The following FAM184B variants were observed in gnomAD, a reference collection of about 807,000 sequenced individuals.
The protein encoded by FAM184B is protein FAM184B.
A neutral mutation model predicts 135.9 loss-of-function variants in FAM184B; 111 were observed. The ratio of observed to expected loss-of-function variants is 0.82; its 90% CI spans 0.70 to 0.96. The LOEUF is 0.96. Among genes scored for constraint, FAM184B ranks in the 40% least tolerant of loss-of-function variants. The pLI, the probability that FAM184B is intolerant of heterozygous loss-of-function variation, is 0.00. For missense variants in FAM184B, 1,375 were observed against 1,323.9 expected, an observed-to-expected ratio of 1.04 and a Z score of -0.60; for synonymous variants, 552 against 524.8, an observed-to-expected ratio of 1.05 and a Z score of -0.71.
At position 17,731,216 on chromosome 4, in the gene FAM184B, A is replaced by G. The variant is rs141654775; in HGVS notation, c.142-21572T>C. Reference sequence around the variant, plus strand: ...AGGAACAACCGGTACCAGCCACTGCAAAAACATGCCAAAATGTAAAGACCA... The same window carrying G: ...AGGAACAACCGGTACCAGCCACTGCGAAAACATGCCAAAATGTAAAGACCA... On this transcript the variant is annotated intron_variant, in intron 1 of 17. Coordinates refer to ENST00000265018, the MANE Select transcript of FAM184B (RefSeq NM_015688.2). Among the ~76,000 whole-genome samples the G allele has an allele frequency of 7.0e-3, 1,062 of 152,358 alleles. 14 individuals carry two copies. Among genetic ancestry groups the G allele is most frequent in the African/African-American group, 0.023 (964 of 41,584 alleles).
intron 1 of FAM184B, among the ~76,000 whole-genome samples, chr4:17,726,291 T>A (rs889311983): frequency 1.3e-5 from 2 of 152,260 alleles, no homozygotes; most frequent in East Asian, 3.9e-4. Context: ...TAAAGGAAAT[T>A]TATTGGCTCA....
chr4:17,643,113 G>A (rs1010556555), intron 12 of FAM184B, among the ~76,000 whole-genome samples: 2 of 152,184 alleles, frequency 1.3e-5, no homozygotes, highest in African/African-American at 2.4e-5. Context: ...GAGCAGGGGG[G>A]TTACTGCTCT....
At chr4:17,636,963 C>T (rs1024545995) in intron 14 of FAM184B, among the ~76,000 whole-genome samples, 1 of 152,188 alleles carries the variant, frequency 6.6e-6, no homozygotes, top group Non-Finnish European at 1.5e-5. Context: ...CCCGTAGGTT[C>T]TCTTAATGCT....
chr4:17,751,742 C>T (rs1478607886), intron 1 of FAM184B, among the ~76,000 whole-genome samples: 1 of 150,196 alleles, frequency 6.7e-6, no homozygotes, highest in African/African-American at 2.4e-5. Context: ...AATATTGCTC[C>T]AGGGAAGTCC....
At position 17,705,847 on chromosome 4, in the gene FAM184B, C is replaced by T; in HGVS notation, c.1075G>A (p.Glu359Lys). 6.4e-7 allele frequency: 1 copy of T among 1,552,252 alleles called. No homozygotes were observed. The highest frequency in any genetic ancestry group is 8.7e-7 in the Non-Finnish European group (1 of 1,147,118). The stretch of plus-strand genomic sequence containing the variant: ...TTGCCGGCTTCCAAGTCATTCTCTT[C>T]CCGCAGGACTTTGTTCTCTGAAACT... ...ELVSENKVLR[E>K]ENDLEAGNLH... is the part of the protein sequence containing the mutation. The change falls in exon 4 of 18, where the codon GAA (glutamate) becomes AAA (lysine). Residue 359 changes from glutamate to lysine, a missense_variant. By Grantham distance (56) the Glu-to-Lys change is moderately conservative. Coordinates refer to ENST00000265018, the MANE Select transcript of FAM184B (RefSeq NM_015688.2).
intron 5 of FAM184B, among the ~76,000 whole-genome samples, chr4:17,701,613 T>G (rs964352187): frequency 3.3e-5 from 5 of 152,168 alleles, no homozygotes; most frequent in Admixed American, 1.3e-4. Flanking sequence ...CATGGGCACA[T>G]GACTGAAGCT....
chr4:17,680,278 T>C (rs1716405387), intron 7 of FAM184B, among the ~76,000 whole-genome samples: 1 of 152,238 alleles, frequency 6.6e-6, no homozygotes, highest in Non-Finnish European at 1.5e-5. Flanking sequence ...TTTTGAAAGC[T>C]TTTTCACAGA....
chr4:17,709,265 C>T lies in FAM184B; in HGVS notation c.521G>A (p.Gly174Asp), dbSNP rs1717192308. The T allele has an allele frequency of 6.5e-7, 1 of 1,547,580 alleles. No homozygotes were observed. Among genetic ancestry groups the T allele is most frequent in the East Asian group, 2.4e-5 (1 of 40,844 alleles). Reference protein sequence around the residue: ...HLTSHEATPQGRLPQESPETK... With the variant: ...HLTSHEATPQDRLPQESPETK... Reference sequence around the variant, plus strand: ...TTCAGGGCTCTCCTGGGGCAGCCGGCCCTGCGGGGTAGCCTCGTGGCTCGT... The same window carrying T: ...TTCAGGGCTCTCCTGGGGCAGCCGGTCCTGCGGGGTAGCCTCGTGGCTCGT... The change falls in exon 2 of 18, where the codon GGC becomes GAC. Residue 174 changes from glycine to aspartate, a missense_variant. Transcript: ENST00000265018.
chr4:17,705,644 A>G, intron 4 of FAM184B, 108 bp downstream of exon 4: 1 of 1,334,638 alleles, frequency 7.5e-7, no homozygotes. Flanking sequence ...GGGTCTTCTG[A>G]TTCCAAGTGG....
intron 1 of FAM184B, among the ~76,000 whole-genome samples, chr4:17,732,841 C>A (rs1003771087): frequency 1.3e-5 from 2 of 152,090 alleles, no homozygotes; most frequent in African/African-American, 4.8e-5. Flanking sequence ...TTTTATGAGG[C>A]CAGCATCATC....
At chr4:17,721,383 C>CAAAAAAAAAAAAGAA (rs1717523628) in intron 1 of FAM184B, among the ~76,000 whole-genome samples, 1 of 47,384 alleles carries the variant, frequency 2.1e-5, no homozygotes. Context: ...GATTCTGTCT[C>CAAAAAAAAAAAAGAA]AAAAAAAAAA....
chr4:17,667,862 C>T (rs1333032989), intron 7 of FAM184B, among the ~76,000 whole-genome samples: 1 of 152,216 alleles, frequency 6.6e-6, no homozygotes, highest in Admixed American at 6.5e-5. Flanking sequence ...GATCTACTCG[C>T]TCACCTTATT....
chr4:17,726,822 T>G (rs1319178677), intron 1 of FAM184B, among the ~76,000 whole-genome samples: 1 of 152,154 alleles, frequency 6.6e-6, no homozygotes, highest in East Asian at 1.9e-4. Flanking sequence ...GAAAGAGAAC[T>G]CCTCTTTGTC....
intron 1 of FAM184B, among the ~76,000 whole-genome samples, chr4:17,779,081 C>A (rs767616997): frequency 3.3e-5 from 5 of 152,038 alleles, no homozygotes; most frequent in Non-Finnish European, 5.9e-5. Flanking sequence ...CTCAAACCAG[C>A]AGTGGAATAT....
At chr4:17,680,076 T>C (rs1289532934) in intron 7 of FAM184B, among the ~76,000 whole-genome samples, 1 of 152,138 alleles carries the variant, frequency 6.6e-6, no homozygotes, top group Non-Finnish European at 1.5e-5. Context: ...GGGTACAGTG[T>C]ACACTGCACA....
intron 7 of FAM184B, among the ~76,000 whole-genome samples, chr4:17,687,169 C>T (rs1716608855): frequency 6.6e-6 from 1 of 152,150 alleles, no homozygotes; most frequent in Admixed American, 6.5e-5. Flanking sequence ...GGGAGAGAAA[C>T]TGCAGTTCCT....
intron 1 of FAM184B, among the ~76,000 whole-genome samples, chr4:17,751,823 G>GCACACACACACA (rs3222789): frequency 0.086 from 9,931 of 115,750 alleles, 838 homozygotes; most frequent in Non-Finnish European, 0.11. Flanking sequence ...TAAAAACAAG[G>GCACACACACACA]CACACACACA....
At chr4:17,668,724 T>C (rs1716109301) in intron 7 of FAM184B, among the ~76,000 whole-genome samples, 1 of 152,018 alleles carries the variant, frequency 6.6e-6, no homozygotes, top group African/African-American at 2.4e-5. Flanking sequence ...TGAGTAGAGA[T>C]GGGGTTTTAC....
At chr4:17,766,873 G>C (rs895926741) in intron 1 of FAM184B, among the ~76,000 whole-genome samples, 4 of 152,332 alleles carry the variant, frequency 2.6e-5, no homozygotes, top group Non-Finnish European at 4.4e-5. Context: ...GCGCTCATTG[G>C]GGAGGCTCCG....
Sources: gnomAD v4.1 joint callset for allele counts (sites outside exome capture counted in the v4.1 genomes callset) on GRCh38, gnomAD v4.1.1 for gene constraint, MANE v1.5 for transcripts, NCBI Gene and HGNC (gene_info 2026-07-23, HGNC 2026-07-21) for gene names.